Variants in RSPO3 observed in about 807,000 individuals in gnomAD.
RSPO3 encodes the protein R-spondin-3.
RSPO3 carries 17 observed loss-of-function variants against 36.5 expected under a neutral mutation model. That is an observed-to-expected ratio of 0.47 (90% CI 0.32 to 0.70). The LOEUF is 0.70. Ranked by LOEUF, RSPO3 falls within the 30% of genes least tolerant of loss-of-function variation. RSPO3 has a pLI of 0.04. For missense variants in RSPO3, 294 were observed against 322.5 expected (o/e 0.91, Z 0.68); for synonymous variants, 108 against 107.0 (o/e 1.01, Z -0.06).
chr6:127,127,021 A>G (rs1317201263), intron 1 of RSPO3, among the ~76,000 whole-genome samples: 4 of 152,104 alleles, frequency 2.6e-5, no homozygotes, highest in Non-Finnish European at 5.9e-5. Context: ...GCAATGTGCT[A>G]CATTCACTCC....
intron 1 of RSPO3, among the ~76,000 whole-genome samples, chr6:127,122,326 G>T (rs1773861969): frequency 6.6e-6 from 1 of 152,114 alleles, no homozygotes; most frequent in Non-Finnish European, 1.5e-5. Flanking sequence ...ATTTGAATTG[G>T]TATACAGCTC....
intron 1 of RSPO3, among the ~76,000 whole-genome samples, chr6:127,137,142 A>T (rs1181790320): frequency 6.6e-6 from 1 of 152,208 alleles, no homozygotes; most frequent in African/African-American, 2.4e-5. Context: ...CCTGTAATCC[A>T]GCACTTTGGG....
intron 1 of RSPO3, among the ~76,000 whole-genome samples, chr6:127,126,499 T>G (rs1773941515): frequency 6.6e-6 from 1 of 152,076 alleles, no homozygotes; most frequent in South Asian, 2.1e-4. Flanking sequence ...AAGAGGATGG[T>G]CACTGGTATC....
intron 1 of RSPO3, among the ~76,000 whole-genome samples, chr6:127,144,538 A>G (rs1774340526): frequency 6.6e-6 from 1 of 152,034 alleles, no homozygotes; most frequent in African/African-American, 2.4e-5. Context: ...CTAGAAATTC[A>G]AAGTATTGTT....
chr6:127,146,999 C>T (rs373013430), intron 1 of RSPO3, among the ~76,000 whole-genome samples: 3 of 152,116 alleles, frequency 2.0e-5, no homozygotes, highest in East Asian at 3.9e-4. Context: ...TCCCCCAGGC[C>T]CTGTAATGTC....
intron 3 of RSPO3, among the ~76,000 whole-genome samples, chr6:127,152,068 T>G (rs1217073081): frequency 1.3e-5 from 2 of 152,170 alleles, no homozygotes; most frequent in Non-Finnish European, 2.9e-5. Context: ...GTATTAATGC[T>G]TTTCTGTCAG....
chr6:127,152,941 T>C (rs1029263718), intron 3 of RSPO3, among the ~76,000 whole-genome samples: 1 of 152,106 alleles, frequency 6.6e-6, no homozygotes, highest in African/African-American at 2.4e-5. Context: ...GACATTCCCT[T>C]GCTATGTTCT....
chr6:127,146,260 T>C (rs1307450392), intron 1 of RSPO3, among the ~76,000 whole-genome samples: 1 of 151,610 alleles, frequency 6.6e-6, no homozygotes, highest in Non-Finnish European at 1.5e-5. Context: ...TTTTCAAAAA[T>C]CAAATTTTTA....
chr6:127,178,151 T>G (rs1188000863), intron 4 of RSPO3, among the ~76,000 whole-genome samples: 3 of 151,728 alleles, frequency 2.0e-5, no homozygotes, highest in Non-Finnish European at 4.4e-5. Flanking sequence ...CTGTATACAC[T>G]TTTAAATAGT....
At chr6:127,166,992 T>C (rs776750748) in intron 4 of RSPO3, among the ~76,000 whole-genome samples, 1 of 152,168 alleles carries the variant, frequency 6.6e-6, no homozygotes, top group South Asian at 2.1e-4. Context: ...TAATAGGAAT[T>C]ATTTGTATAT....
intron 2 of RSPO3, among the ~76,000 whole-genome samples, chr6:127,150,006 C>T (rs1774457661): frequency 6.6e-6 from 1 of 151,898 alleles, no homozygotes; most frequent in African/African-American, 2.4e-5. Flanking sequence ...AAAAACAATG[C>T]CTGGCACATA....
chr6:127,154,697 A>C (rs1206900843), intron 3 of RSPO3, among the ~76,000 whole-genome samples: 1 of 152,202 alleles, frequency 6.6e-6, no homozygotes, highest in African/African-American at 2.4e-5. Context: ...AGGAGTTCCC[A>C]GTACCTGCAA....
chr6:127,142,797 TG>T (rs556220491), intron 1 of RSPO3, among the ~76,000 whole-genome samples: 21 of 151,466 alleles, frequency 1.4e-4, no homozygotes, highest in African/African-American at 5.1e-4. Context: ...TTGTTTTTTT[TG>T]TTTGTTTGTT....
intron 1 of RSPO3, among the ~76,000 whole-genome samples, chr6:127,126,682 A>G (rs1227874709): frequency 1.3e-5 from 2 of 152,130 alleles, no homozygotes; most frequent in African/African-American, 4.8e-5. Flanking sequence ...TGGGTGCAGT[A>G]TCTGTTCATC....
chr6:127,135,926 C>CAAAA (rs5879836), intron 1 of RSPO3, among the ~76,000 whole-genome samples: 21 of 115,014 alleles, frequency 1.8e-4, no homozygotes, highest in African/African-American at 6.8e-4. Flanking sequence ...GACCCTGCCT[C>CAAAA]AAAAAAAAAA....
In RSPO3 at chr6:127,197,110, AAG is replaced by A. The variant is rs1775529463; in HGVS notation, c.*1107_*1108del. ...ACTCTTAGAGACTCATGAATTAAGAAAGAGAATTCTGCTAACTCAGAGAACCT... is the reference window on the plus strand; with the variant it reads ...ACTCTTAGAGACTCATGAATTAAGAAAGAATTCTGCTAACTCAGAGAACCT... On this transcript the variant is annotated 3_prime_UTR_variant, in exon 5 of 5. Coordinates refer to ENST00000356698, the MANE Select transcript of RSPO3 (RefSeq NM_032784.5). The A allele has an allele frequency of 4.5e-6, 1 of 223,318 alleles. No individual in the cohort carries two copies. The highest frequency in any genetic ancestry group is 8.9e-6 in the Non-Finnish European group (1 of 112,140). The allele number at this position is 223,318 out of a possible 1,614,324, so 13.8% of individuals were successfully genotyped here. A position where few individuals can be genotyped will look rare whatever the true frequency, so the allele number is the denominator to read the frequency against.
At chr6:127,147,260 G>C (rs1294725986) in intron 1 of RSPO3, among the ~76,000 whole-genome samples, 1 of 152,056 alleles carries the variant, frequency 6.6e-6, no homozygotes, top group East Asian at 1.9e-4. Context: ...GGTCTTATAG[G>C]TACCTCTTCT....
chr6:127,148,669 G>C lies in RSPO3; in HGVS notation c.119G>C (p.Gly40Ala). 1 of 1,612,160 alleles carries C rather than the reference G, an allele frequency of 6.2e-7. No individual in the cohort carries two copies. The highest frequency in any genetic ancestry group is 8.5e-7 in the Non-Finnish European group (1 of 1,178,854). ...ACAGTGCATCCTAACGTTAGTCAAG[G>C]CTGCCAAGGAGGCTGTGCAACATGC... Reference protein sequence around the residue: ...QRRMHPNVSQGCQGGCATCSD... With the variant: ...QRRMHPNVSQACQGGCATCSD... The change falls in exon 2 of 5, where the codon GGC (glycine) becomes GCC (alanine). Residue 40 changes from glycine to alanine, a missense_variant. By Grantham distance (60) the Gly-to-Ala change is moderately conservative (BLOSUM62 0). Coordinates refer to ENST00000356698, the MANE Select transcript of RSPO3 (RefSeq NM_032784.5).
rs1410432126 is a variant in RSPO3, at chr6:127,197,631, A to G, written c.*1624A>G. ...GATCACTGCTTTCTGAAGAATTTGC[A>G]ATGACTCTGGCTTCTGGCTGCTTAT... On this transcript the variant is annotated 3_prime_UTR_variant, in exon 5 of 5. Coordinates refer to ENST00000356698, the MANE Select transcript of RSPO3 (RefSeq NM_032784.5). 7.1e-6 allele frequency: 10 copies of G among 1,402,538 alleles called. No homozygotes were observed. The highest frequency in any genetic ancestry group is 9.5e-6 in the Non-Finnish European group (10 of 1,055,702). 86.9% of individuals were successfully genotyped at this position (1,402,538 alleles called of 1,614,324 possible).
Sources: allele counts gnomAD v4.1 joint callset (sites outside exome capture counted in the v4.1 genomes callset), GRCh38; gene constraint gnomAD v4.1.1; transcripts MANE v1.5; gene names NCBI Gene and HGNC (gene_info 2026-07-23, HGNC 2026-07-21).